ERMP1: variants seen among roughly 807,000 people sequenced by gnomAD.
ERMP1 encodes Felix-ina.
A neutral mutation model predicts 92.0 loss-of-function variants in ERMP1; 86 were observed. The ratio of observed to expected loss-of-function variants is 0.93; its 90% CI spans 0.79 to 1.12. The LOEUF (loss-of-function observed/expected upper bound fraction) is 1.12, where lower values mean the gene tolerates loss of function less well. Ranked by LOEUF, ERMP1 falls within the 50% of genes most tolerant of loss-of-function variation. The pLI is 0.00. For missense variants in ERMP1, 1,342 were observed against 1,116.3 expected, an observed-to-expected ratio of 1.20 and a Z score of -2.88; for synonymous variants, 530 against 412.8, an observed-to-expected ratio of 1.28 and a Z score of -3.44.
Position 5,805,119 on chromosome 9 carries a change from G to C in ERMP1, c.1822C>G (p.Pro608Ala), listed in dbSNP as rs1285711163. The C allele has an allele frequency of 1.2e-6, 2 of 1,613,266 alleles. No homozygotes were observed. Among genetic ancestry groups the C allele is most frequent in the Non-Finnish European group, 1.7e-6 (2 of 1,179,672 alleles). Residue 608 changes from proline to alanine, a missense_variant, in exon 10 of 15, where the codon CCT becomes GCT. Physicochemically the swap from Pro to Ala is conservative, Grantham distance 27. Coordinates refer to ENST00000339450, the MANE Select transcript of ERMP1 (RefSeq NM_024896.3). ...LIWAVFEMFT[P>A]ILGRSGSEIP... is the part of the protein sequence containing the mutation. ...TCAGAACCACTTCTCCCGAGGATAGGGGTAAACATCTCAAATACTGCCCAG... is the reference window on the plus strand; with the variant it reads ...TCAGAACCACTTCTCCCGAGGATAGCGGTAAACATCTCAAATACTGCCCAG...
At chr9:5,860,605 G>A (rs1024516694) in intron 5 of ERMP1, among the ~76,000 whole-genome samples, 2 of 133,348 alleles carry the variant, frequency 1.5e-5, no homozygotes, top group Admixed American at 1.8e-4. Context: ...ATCAACTTCA[G>A]TCCACAATTT....
Position 5,833,023 on chromosome 9 carries a change from T to A in ERMP1, c.5A>T (p.Glu2Val). M[E>V]WGSESAAVRR... ...CACAGCAGCCGACTCAGAACCCCACTCCATGGCCACGAGCCTCAGCTGCCA... is the reference window on the plus strand; with the variant it reads ...CACAGCAGCCGACTCAGAACCCCACACCATGGCCACGAGCCTCAGCTGCCA... Residue 2 changes from glutamate to valine, a missense_variant, in exon 1 of 15, where the codon GAG becomes GTG. By Grantham distance (121) the Glu-to-Val change is moderately radical. Transcript: ENST00000339450. The A allele has an allele frequency of 6.6e-7, 1 of 1,525,816 alleles. No individual in the cohort carries two copies. Among genetic ancestry groups the A allele is most frequent in the Non-Finnish European group, 8.7e-7 (1 of 1,147,028 alleles). The allele number at this position is 1,525,816 out of a possible 1,614,324, so 94.5% of individuals were successfully genotyped here. A position where few individuals can be genotyped will look rare whatever the true frequency, so the allele number is the denominator to read the frequency against.
chr9:5,846,232 C>T lies in ERMP1; in HGVS notation n.3200-12920G>A, dbSNP rs544045755. 2.0e-5 allele frequency among the ~76,000 whole-genome samples: 3 copies of T among 152,282 alleles called. No individual in the cohort carries two copies. The East Asian group carries it at 5.8e-4, about 29-fold the overall frequency. ...ACAGCAAGCAAAAGCAGCCTGCATC[C>T]ATGTCACTATTAAGGCACCAGATGG... On this transcript the variant is annotated intron_variant and non_coding_transcript_variant, in intron 6 of 6. Transcript: ENST00000690753.
chr9:5,862,745 T>G (rs766400174), intron 5 of ERMP1, among the ~76,000 whole-genome samples: 2 of 152,182 alleles, frequency 1.3e-5, no homozygotes, highest in Non-Finnish European at 2.9e-5. Flanking sequence ...GCTTAATCCT[T>G]AAGGCCCACA....
intron 13 of ERMP1, among the ~76,000 whole-genome samples, chr9:5,789,449 A>C (rs958949350): frequency 7.9e-5 from 12 of 152,230 alleles, no homozygotes; most frequent in African/African-American, 2.9e-4. Context: ...CAGAAAACCA[A>C]TTTTAACCAT....
chr9:5,842,395 T>C, intron 6 of ERMP1, among the ~76,000 whole-genome samples: 1 of 137,068 alleles, frequency 7.3e-6, no homozygotes, highest in East Asian at 2.1e-4. Context: ...ACCTCTCAAC[T>C]GCACTCCAGC....
chr9:5,797,916 G>A lies in ERMP1; in HGVS notation c.2287C>T (p.Pro763Ser), dbSNP rs756080682. 8.1e-6 allele frequency: 13 copies of A among 1,610,838 alleles called. No individual in the cohort carries two copies. The highest frequency in any genetic ancestry group is 1.0e-5 in the Non-Finnish European group (12 of 1,177,534). ...HFLIRKNWYL[P>S]APEVSPRNPP... is the part of the protein sequence containing the mutation. ...TTTCTTGGAGAAACTTCTGGGGCAG[G>A]AAGATACCAGTTTTTCCTATTTAGA... is the stretch of plus-strand genomic sequence containing the variant. Residue 763 changes from proline (P) to serine (S), a missense_variant, in exon 13 of 15, where the codon CCT (proline) becomes TCT (serine). Physicochemically the swap from Pro to Ser is moderately conservative, Grantham distance 74. Coordinates refer to ENST00000339450, the MANE Select transcript of ERMP1 (RefSeq NM_024896.3).
At chr9:5,865,449 A>C (rs1013973792) in intron 5 of ERMP1, among the ~76,000 whole-genome samples, 1 of 151,296 alleles carries the variant, frequency 6.6e-6, no homozygotes, top group African/African-American at 2.4e-5. Context: ...CGGAGCTTGC[A>C]GTGAGCCGAG....
chr9:5,791,099 T>C (rs113821953), intron 13 of ERMP1: 1 of 380,180 alleles, frequency 2.6e-6, no homozygotes. Flanking sequence ...AAGTATAGCG[T>C]GAACAGCTGC....
At chr9:5,828,343 T>G (rs917890040) in intron 2 of ERMP1, among the ~76,000 whole-genome samples, 5 of 152,222 alleles carry the variant, frequency 3.3e-5, no homozygotes, top group Admixed American at 2.6e-4. Flanking sequence ...AAAAAAGCTC[T>G]CTGCCCTCCC....
chr9:5,866,362 T>C (rs1830661755), intron 5 of ERMP1, among the ~76,000 whole-genome samples: 1 of 152,068 alleles, frequency 6.6e-6, no homozygotes, highest in Non-Finnish European at 1.5e-5. Context: ...CCAACAATAG[T>C]GGGGAGAGGA....
At chr9:5,864,241 T>G (rs568066690) in intron 5 of ERMP1, among the ~76,000 whole-genome samples, 1 of 152,328 alleles carries the variant, frequency 6.6e-6, no homozygotes, top group South Asian at 2.1e-4. Context: ...CAAAAGGAAA[T>G]AGGATCTCTG....
At chr9:5,805,243 A>G in intron 9 of ERMP1, 26 bp from the exon 10 acceptor site, 1 of 1,550,066 alleles carries the variant, frequency 6.5e-7, no homozygotes, top group Non-Finnish European at 8.8e-7. Context: ...AAAAAAGCAC[A>G]CATCTATGAA....
intron 13 of ERMP1, among the ~76,000 whole-genome samples, chr9:5,793,360 GA>G (rs539980974): frequency 6.6e-6 from 1 of 151,678 alleles, no homozygotes; most frequent in Admixed American, 6.6e-5. Context: ...ACTAAAGGCA[GA>G]AAAAGAGTGG....
chr9:5,846,031 C>T (rs1394838542), intron 6 of ERMP1, among the ~76,000 whole-genome samples: 1 of 152,144 alleles, frequency 6.6e-6, no homozygotes, highest in Non-Finnish European at 1.5e-5. Context: ...TAGGTGCTAC[C>T]TGGGGATCTG....
At position 5,784,860 on chromosome 9, in the gene ERMP1, G is replaced by A. The variant is rs1427064235; in HGVS notation, c.*2284C>T. The stretch of plus-strand genomic sequence containing the variant: ...ACTTTTTCCCTGAATATGCAGTACT[G>A]TACTACTAACATCTAATTCTGTAGA... On this transcript the variant is annotated 3_prime_UTR_variant, in exon 15 of 15. Transcript: ENST00000339450. 1 of 152,534 alleles carries A rather than the reference G, an allele frequency of 6.6e-6. No individual in the cohort carries two copies. The highest frequency in any genetic ancestry group is 1.5e-5 in the Non-Finnish European group (1 of 68,040). The allele number at this position is 152,534 out of a possible 1,614,324, so 9.4% of individuals were successfully genotyped here.
intron 6 of ERMP1, among the ~76,000 whole-genome samples, chr9:5,854,936 T>G (rs144773150): frequency 2.0e-4 from 31 of 152,292 alleles, no homozygotes; most frequent in Admixed American, 1.3e-3. Flanking sequence ...GCCAAAAAAC[T>G]TTTAGGGGTT....
chr9:5,809,606 A>G (rs1304189078), intron 8 of ERMP1, among the ~76,000 whole-genome samples: 1 of 152,230 alleles, frequency 6.6e-6, no homozygotes, highest in Non-Finnish European at 1.5e-5. Context: ...GTCAGACACT[A>G]CCTAAGCACA....
intron 10 of ERMP1, among the ~76,000 whole-genome samples, chr9:5,803,571 T>C (rs1029695125): frequency 6.6e-6 from 1 of 152,166 alleles, no homozygotes; most frequent in Non-Finnish European, 1.5e-5. Flanking sequence ...CATTCATGAC[T>C]ATAATTTAAC....
Sources: allele counts gnomAD v4.1 joint callset (sites outside exome capture counted in the v4.1 genomes callset), GRCh38; gene constraint gnomAD v4.1.1; transcripts MANE v1.5; gene names NCBI Gene and HGNC (gene_info 2026-07-23, HGNC 2026-07-21).